Variants in GPHN observed in about 807,000 individuals in gnomAD.
The protein encoded by GPHN is gephyrin.
Under a neutral mutation model 95.5 loss-of-function variants are expected in GPHN, and 17 were observed. The observed-to-expected ratio is 0.18, with a 90% confidence interval of 0.12 to 0.27. GPHN has a LOEUF of 0.27. GPHN is among the 10% of genes least tolerant of loss of function. GPHN has a pLI of 1.00. For missense variants in GPHN, 660 were observed against 978.1 expected, an observed-to-expected ratio of 0.67 and a Z score of 4.34; for synonymous variants, 320 against 322.5, an observed-to-expected ratio of 0.99 and a Z score of 0.08.
the GPHN span, chr14:67,387,325 C>T: frequency 1.9e-6 from 3 of 1,608,614 alleles, 1 homozygote; most frequent in South Asian, 3.3e-5. Flanking sequence ...CCCTCAGGTC[C>T]TTGTCATGTT....
At chr14:66,678,252 A>G (rs896939628) in intron 1 of GPHN, among the ~76,000 whole-genome samples, 5 of 151,202 alleles carry the variant, frequency 3.3e-5, no homozygotes, top group Non-Finnish European at 7.4e-5. Flanking sequence ...ATGGTTTCCC[A>G]TGTCATGTAG....
At chr14:67,193,852 A>G in the GPHN span, among the ~76,000 whole-genome samples, 1 of 147,540 alleles carries the variant, frequency 6.8e-6, no homozygotes, top group South Asian at 2.2e-4. Context: ...GGCTGAGGTG[A>G]GAGGATCACT....
At chr14:67,532,596 A>T in the GPHN span, among the ~76,000 whole-genome samples, 1 of 152,116 alleles carries the variant, frequency 6.6e-6, no homozygotes, top group Non-Finnish European at 1.5e-5. Context: ...AAAATAACAT[A>T]TACATAAGCC....
At chr14:67,536,652 AG>A in the GPHN span, among the ~76,000 whole-genome samples, 5 of 151,912 alleles carry the variant, frequency 3.3e-5, no homozygotes, top group African/African-American at 1.2e-4. Context: ...CAGGATATTC[AG>A]GCTGTAGACT....
chr14:66,849,629 T>C (rs1316945271), intron 4 of GPHN, among the ~76,000 whole-genome samples: 1 of 152,042 alleles, frequency 6.6e-6, no homozygotes, highest in African/African-American at 2.4e-5. Context: ...AGGTGAAAAA[T>C]TGTATTTTTA....
At chr14:67,057,415 G>A (rs990829814) in intron 10 of GPHN, among the ~76,000 whole-genome samples, 1 of 151,382 alleles carries the variant, frequency 6.6e-6, no homozygotes, top group African/African-American at 2.4e-5. Flanking sequence ...CATGGGTGGG[G>A]GGGGCAACAG....
intron 1 of GPHN, among the ~76,000 whole-genome samples, chr14:66,530,741 G>A (rs1330689920): frequency 6.6e-6 from 1 of 151,988 alleles, no homozygotes; most frequent in Non-Finnish European, 1.5e-5. Flanking sequence ...TGCTTCCTGG[G>A]TGAGGCAATG....
intron 8 of GPHN, among the ~76,000 whole-genome samples, chr14:66,951,928 A>G (rs2068135332): frequency 6.6e-6 from 1 of 152,020 alleles, no homozygotes; most frequent in Admixed American, 6.5e-5. Context: ...TTAGAGATCC[A>G]AACAGGAAGG....
chr14:67,099,998 T>C (rs2077607352), intron 12 of GPHN, among the ~76,000 whole-genome samples: 1 of 152,172 alleles, frequency 6.6e-6, no homozygotes, highest in African/African-American at 2.4e-5. Context: ...AGAAAACTCT[T>C]TGAATCTCCA....
the GPHN span, among the ~76,000 whole-genome samples, chr14:67,625,477 G>A: frequency 7.3e-5 from 11 of 151,714 alleles, no homozygotes; most frequent in Admixed American, 5.9e-4. Flanking sequence ...TCAGGAGTTC[G>A]AGACCAGCCT....
chr14:67,545,035 T>C, the GPHN span, among the ~76,000 whole-genome samples: 1 of 152,262 alleles, frequency 6.6e-6, no homozygotes, highest in Non-Finnish European at 1.5e-5. Context: ...GTTTGGCTGC[T>C]GTAAGAAAGA....
intron 2 of GPHN, among the ~76,000 whole-genome samples, chr14:66,763,672 A>AT (rs1566918115): frequency 1.3e-5 from 2 of 151,928 alleles, no homozygotes; most frequent in Non-Finnish European, 2.9e-5. Flanking sequence ...TTCATATTGT[A>AT]TTAGGTATCA....
At chr14:67,291,089 A>C in the GPHN span, among the ~76,000 whole-genome samples, 1 of 152,204 alleles carries the variant, frequency 6.6e-6, no homozygotes, top group Non-Finnish European at 1.5e-5. Context: ...GAGTTGACAA[A>C]TTCTATAATA....
intron 1 of GPHN, among the ~76,000 whole-genome samples, chr14:66,607,963 T>C (rs1187431675): frequency 6.6e-6 from 1 of 151,760 alleles, no homozygotes; most frequent in Non-Finnish European, 1.5e-5. Flanking sequence ...TTTCCATTGA[T>C]CTTTTGTATG....
intron 1 of GPHN, among the ~76,000 whole-genome samples, chr14:66,640,186 T>C (rs942961793): frequency 1.3e-5 from 2 of 152,144 alleles, no homozygotes; most frequent in African/African-American, 4.8e-5. Flanking sequence ...TTTGGGAGGC[T>C]GAGACACGCG....
At chr14:67,292,445 C>G in the GPHN span, 1 of 1,092,570 alleles carries the variant, frequency 9.2e-7, no homozygotes. Context: ...GAAATGTTCT[C>G]TGAAAATGCA....
At chr14:66,662,111 T>C (rs1244707730) in intron 1 of GPHN, among the ~76,000 whole-genome samples, 5 of 152,138 alleles carry the variant, frequency 3.3e-5, no homozygotes, top group Non-Finnish European at 7.4e-5. Context: ...GAGCCCAAGC[T>C]AACTAGGGGC....
chr14:66,826,952 C>T (rs190617827), intron 4 of GPHN, among the ~76,000 whole-genome samples: 1 of 152,200 alleles, frequency 6.6e-6, no homozygotes, highest in Non-Finnish European at 1.5e-5. Flanking sequence ...TAGGCACCCA[C>T]CCTAAGTCGT....
the GPHN span, among the ~76,000 whole-genome samples, chr14:67,706,863 C>CCTAGACAGGAATGAA: frequency 1.3e-5 from 2 of 152,106 alleles, no homozygotes; most frequent in East Asian, 3.8e-4. Flanking sequence ...ATGGTTCGTT[C>CCTAGACAGGAATGAA]CTAGACAGGT....
Sources: gnomAD v4.1 joint callset for allele counts (sites outside exome capture counted in the v4.1 genomes callset) on GRCh38, gnomAD v4.1.1 for gene constraint, MANE v1.5 for transcripts, NCBI Gene and HGNC (gene_info 2026-07-23, HGNC 2026-07-21) for gene names.